Variants in ARHGAP1 observed in about 807,000 individuals in gnomAD.
ARHGAP1 encodes rho GTPase-activating protein 1.
A neutral mutation model predicts 52.2 loss-of-function variants in ARHGAP1; 23 were observed. The observed-to-expected ratio is 0.44, with a 90% CI of 0.32 to 0.62. ARHGAP1 has a LOEUF of 0.62. ARHGAP1 is among the 20% of genes least tolerant of loss of function. The pLI, the probability that ARHGAP1 is intolerant of heterozygous loss-of-function variation, is 0.05. For synonymous variants in ARHGAP1, 210 were observed against 228.4 expected (o/e 0.92, Z 0.73); for missense variants, 480 against 560.9 (o/e 0.86, Z 1.46).
chr11:46,699,193 A>G (rs2064679688), intron 1 of ARHGAP1, among the ~76,000 whole-genome samples: 1 of 152,214 alleles, frequency 6.6e-6, no homozygotes, highest in South Asian at 2.1e-4. Context: ...CCTTCTGAGA[A>G]TCACTGTTTA....
At chr11:46,688,977 G>C (rs2064591892) in intron 3 of ARHGAP1, among the ~76,000 whole-genome samples, 1 of 151,672 alleles carries the variant, frequency 6.6e-6, no homozygotes, top group Non-Finnish European at 1.5e-5. Flanking sequence ...CCAGCTACTG[G>C]GGAGGCTGAG....
rs1342197770 is a variant in ARHGAP1 at position 46,688,344 on chromosome 11, C to G, written c.230-84G>C. The G allele has an allele frequency of 5.2e-6, 7 of 1,343,550 alleles. No individual in the cohort carries two copies. In the African/African-American group the frequency reaches 1.0e-4, roughly 19 times the overall value. 83.2% of individuals were successfully genotyped at this position (1,343,550 alleles called of 1,614,324 possible). A position where few individuals can be genotyped will look rare whatever the true frequency, so the allele number is the denominator to read the frequency against. ...GAGGAACTTAAAGGGGCCAGGCCTG[C>G]TGATCTGAGCCAGTTACCACAGGGG... On this transcript the variant is annotated intron_variant, in intron 3 of 12. Coordinates refer to ENST00000311956, the MANE Select transcript of ARHGAP1 (RefSeq NM_004308.5).
At chr11:46,700,391 C>A (rs1468067777) in intron 1 of ARHGAP1, among the ~76,000 whole-genome samples, 160 bp downstream of exon 1, 1 of 152,214 alleles carries the variant, frequency 6.6e-6, no homozygotes, top group African/African-American at 2.4e-5. Flanking sequence ...GGGCAGAAAC[C>A]CTGCAGGAAG....
intron 1 of ARHGAP1, among the ~76,000 whole-genome samples, chr11:46,698,480 T>C (rs954022752): frequency 2.7e-5 from 4 of 150,024 alleles, no homozygotes; most frequent in Non-Finnish European, 4.4e-5. Flanking sequence ...TGGTGGTGGG[T>C]GCCTGTAATC....
intron 3 of ARHGAP1, among the ~76,000 whole-genome samples, chr11:46,693,406 T>TC (rs1236258635): frequency 5.2e-4 from 3 of 5,744 alleles, no homozygotes; most frequent in Non-Finnish European, 1.5e-3. Flanking sequence ...TAGACTGTAA[T>TC]CTTTTTTTTT....
At chr11:46,694,253 C>A (rs1169402023) in intron 3 of ARHGAP1, among the ~76,000 whole-genome samples, 1 of 152,098 alleles carries the variant, frequency 6.6e-6, no homozygotes, top group East Asian at 1.9e-4. Context: ...CCACCCCCAT[C>A]CTACCTCCCA....
At chr11:46,692,270 G>A (rs1204656568) in intron 3 of ARHGAP1, among the ~76,000 whole-genome samples, 1 of 152,190 alleles carries the variant, frequency 6.6e-6, no homozygotes, top group Non-Finnish European at 1.5e-5. Flanking sequence ...AAACCCCAGA[G>A]ATGCCTACCA....
chr11:46,685,213 G>A (rs12797517), intron 4 of ARHGAP1, among the ~76,000 whole-genome samples: 3 of 150,506 alleles, frequency 2.0e-5, no homozygotes, highest in Non-Finnish European at 4.4e-5. Flanking sequence ...GTGTGTGGGA[G>A]ACCTTTTTTT....
chr11:46,678,816 G>A lies in ARHGAP1; in HGVS notation c.*221C>T, dbSNP rs12418414. Reference sequence around the variant, plus strand: ...GCTCTGGAGAGCCCAGCAAAAGCCCGGTGTCCAGAGAGGCAGTGAGAAGTG... The same window carrying A: ...GCTCTGGAGAGCCCAGCAAAAGCCCAGTGTCCAGAGAGGCAGTGAGAAGTG... On this transcript the variant is annotated 3_prime_UTR_variant, in exon 13 of 13. Transcript: ENST00000311956. 8.9e-5 allele frequency: 51 copies of A among 572,568 alleles called. No individual in the cohort carries two copies. Among genetic ancestry groups the A allele is most frequent in the East Asian group, 8.3e-4 (27 of 32,512 alleles). The allele number at this position is 572,568 out of a possible 1,614,324, so 35.5% of individuals were successfully genotyped here.
intron 3 of ARHGAP1, among the ~76,000 whole-genome samples, chr11:46,693,043 G>A (rs905421652): frequency 3.9e-5 from 6 of 152,076 alleles, no homozygotes; most frequent in East Asian, 1.9e-4. Context: ...TAGTAGAGAC[G>A]GGGTTTCACT....
chr11:46,690,386 CA>C (rs1054961969), intron 3 of ARHGAP1, among the ~76,000 whole-genome samples: 47 of 138,440 alleles, frequency 3.4e-4, no homozygotes, highest in Admixed American at 4.3e-4. Context: ...GACTCCGTCT[CA>C]AAAAAAAAAA....
At chr11:46,695,392 C>T in intron 3 of ARHGAP1, 2 of 508,680 alleles carry the variant, frequency 3.9e-6, no homozygotes, top group East Asian at 8.4e-5. Flanking sequence ...TTATTCAAGG[C>T]CAACTGTGTT....
intron 4 of ARHGAP1, chr11:46,687,535 G>C (rs1565687717): frequency 6.6e-6 from 1 of 152,286 alleles, no homozygotes. Context: ...CAGAAAGAAG[G>C]GCAAGATGGT....
intron 3 of ARHGAP1, among the ~76,000 whole-genome samples, chr11:46,689,003 G>A (rs928584657): frequency 1.3e-5 from 2 of 150,890 alleles, no homozygotes; most frequent in African/African-American, 2.4e-5. Context: ...AAAATTGCTT[G>A]AACCTGGGAG....
chr11:46,691,941 T>C (rs759617562), intron 3 of ARHGAP1, among the ~76,000 whole-genome samples: 5 of 152,188 alleles, frequency 3.3e-5, no homozygotes, highest in Admixed American at 6.5e-5. Context: ...CTTCAGATAG[T>C]GAGTTTCCCA....
intron 1 of ARHGAP1, among the ~76,000 whole-genome samples, chr11:46,698,888 A>G (rs1192580013): frequency 3.3e-5 from 5 of 152,148 alleles, no homozygotes; most frequent in Non-Finnish European, 7.4e-5. Flanking sequence ...ACTCCCATTC[A>G]GTGGGAGGGT....
In ARHGAP1 at chr11:46,680,073, T is replaced by C. The variant is rs539377258; in HGVS notation, c.898+132A>G. 135 of 1,171,980 alleles carry C rather than the reference T, an allele frequency of 1.2e-4. 2 individuals carry two copies. In the South Asian group the frequency reaches 1.6e-3, roughly 14 times the overall value. The allele number at this position is 1,171,980 out of a possible 1,614,324, so 72.6% of individuals were successfully genotyped here. A position where few individuals can be genotyped will look rare whatever the true frequency, so the allele number is the denominator to read the frequency against. ...GCAGGCCTGGCAGAAGTAGGACTTA[T>C]GTGACACCCAGAGCCACGGAAACCT... On this transcript the variant is annotated intron_variant, in intron 10 of 12. Coordinates refer to ENST00000311956, the MANE Select transcript of ARHGAP1 (RefSeq NM_004308.5). This position sits in a 1 kb window ranked among gnomAD's most constrained non-coding sequence, Gnocchi z 5.9.
rs1192147558 is a variant in ARHGAP1, at chr11:46,680,580, G to A, written c.744-17C>T. 6.2e-7 allele frequency: 1 copy of A among 1,613,884 alleles called. No individual in the cohort carries two copies. Among genetic ancestry groups the A allele is most frequent in the South Asian group, 1.1e-5 (1 of 91,090 alleles). On this transcript the variant is annotated splice_polypyrimidine_tract_variant and intron_variant, in intron 8 of 12. Transcript: ENST00000311956. This position sits in a 1 kb window ranked among gnomAD's most constrained non-coding sequence, Gnocchi z 5.9. ...TCCTGGAGGCTGCGGGAAAAAGGCT[G>A]GTGAGCCGGGCCTGCAGCCCTTCCC...
Position 46,681,404 on chromosome 11 carries a change from A to T in ARHGAP1, c.450-25T>A. Reference sequence around the variant, plus strand: ...CCTGCAGAGACAGAATGGACAACTCAGGAGCAGGCGTGGTGGGACAGGTGC... The same window carrying T: ...CCTGCAGAGACAGAATGGACAACTCTGGAGCAGGCGTGGTGGGACAGGTGC... On this transcript the variant is annotated intron_variant, in intron 5 of 12. Coordinates refer to ENST00000311956, the MANE Select transcript of ARHGAP1 (RefSeq NM_004308.5). This position sits in a 1 kb window ranked among gnomAD's most constrained non-coding sequence, Gnocchi z 5.7. 1 of 1,564,624 alleles carries T rather than the reference A, an allele frequency of 6.4e-7. No homozygotes were observed. Among genetic ancestry groups the T allele is most frequent in the Non-Finnish European group, 8.8e-7 (1 of 1,135,142 alleles).
Sources: gnomAD v4.1 joint callset for allele counts (sites outside exome capture counted in the v4.1 genomes callset) on GRCh38, gnomAD v4.1.1 for gene constraint, Gnocchi (gnomAD v3.1) non-coding constraint, MANE v1.5 for transcripts, NCBI Gene and HGNC (gene_info 2026-07-23, HGNC 2026-07-21) for gene names.